EPHA3: variants seen among roughly 807,000 people sequenced by gnomAD.
The protein encoded by EPHA3 is ephrin type-A receptor 3.
EPHA3 carries 42 observed loss-of-function variants against 107.1 expected under a neutral mutation model. That is an observed-to-expected ratio of 0.39 (90% CI 0.31 to 0.51). The LOEUF (loss-of-function observed/expected upper bound fraction) is 0.51, where lower values mean the gene tolerates loss of function less well. EPHA3 is among the 20% of genes least tolerant of loss of function. The pLI is 0.78. For missense variants in EPHA3, 1,183 were observed against 1,211.2 expected, an observed-to-expected ratio of 0.98 and a Z score of 0.35; for synonymous variants, 461 against 424.8, an observed-to-expected ratio of 1.09 and a Z score of -1.05.
At chr3:89,454,769 A>T (rs1041403672) in intron 15 of EPHA3, among the ~76,000 whole-genome samples, 3 of 152,150 alleles carry the variant, frequency 2.0e-5, no homozygotes, top group Non-Finnish European at 2.9e-5. Context: ...GGGCTGGAGG[A>T]TAACTTGTGG....
At chr3:89,340,236 G>A (rs1222613574) in intron 3 of EPHA3, among the ~76,000 whole-genome samples, 1 of 152,076 alleles carries the variant, frequency 6.6e-6, no homozygotes, top group Non-Finnish European at 1.5e-5. Flanking sequence ...TATTAAAAGA[G>A]CTCTCATCTA....
At chr3:89,408,515 T>C (rs1709096721) in intron 9 of EPHA3, among the ~76,000 whole-genome samples, 2 of 152,072 alleles carry the variant, frequency 1.3e-5, no homozygotes, top group South Asian at 4.1e-4. Context: ...CAAGTAAATA[T>C]AAACAACCTC....
intron 3 of EPHA3, among the ~76,000 whole-genome samples, chr3:89,272,282 AT>A (rs36048151): frequency 3.3e-5 from 5 of 150,108 alleles, no homozygotes; most frequent in Admixed American, 6.7e-5. Flanking sequence ...ATGTATTACC[AT>A]TTTTTTTTGG....
rs1372023222 is a variant in EPHA3 at position 89,368,865 on chromosome 3, C to G, written c.1306+26775C>G. ...ACGCTTCACCAGCAGTATGAGCATC[C>G]CTTAGCCCAGTCAAATTGACACATA... On this transcript the variant is annotated intron_variant, in intron 5 of 16. Transcript: ENST00000336596. 1.3e-5 allele frequency among the ~76,000 whole-genome samples: 2 copies of G among 150,414 alleles called. 1 individual carries two copies. The highest frequency in any genetic ancestry group is 3.0e-5 in the Non-Finnish European group (2 of 67,126).
Position 89,431,282 on chromosome 3 carries a change from A to C in EPHA3, c.2269A>C (p.Asn757His). The change falls in exon 13 of 17, where the codon AAC becomes CAC. Residue 757 changes from asparagine (N) to histidine (H), a missense_variant. Coordinates refer to ENST00000336596, the MANE Select transcript of EPHA3 (RefSeq NM_005233.6). ...TGCTCGGAACATCTTGATCAACAGTAACTTGGTGTGTAAGGTTTCTGATTT... is the reference window on the plus strand; with the variant it reads ...TGCTCGGAACATCTTGATCAACAGTCACTTGGTGTGTAAGGTTTCTGATTT... ...LAARNILINS[N>H]LVCKVSDFGL... is the part of the protein sequence containing the mutation. 1 of 1,613,660 alleles carries C rather than the reference A, an allele frequency of 6.2e-7. No homozygotes were observed. The highest frequency in any genetic ancestry group is 8.5e-7 in the Non-Finnish European group (1 of 1,179,916).
At chr3:89,478,458 A>G (rs1277143096) in intron 16 of EPHA3, among the ~76,000 whole-genome samples, 2 of 152,162 alleles carry the variant, frequency 1.3e-5, no homozygotes, top group African/African-American at 4.8e-5. Context: ...CAGCTGCCAA[A>G]TGGACTGATC....
At chr3:89,435,810 G>A (rs1185227305) in intron 13 of EPHA3, among the ~76,000 whole-genome samples, 1 of 150,280 alleles carries the variant, frequency 6.7e-6, no homozygotes, top group African/African-American at 2.4e-5. Context: ...AAAATTAGCT[G>A]GGTGTGGTGG....
intron 3 of EPHA3, among the ~76,000 whole-genome samples, chr3:89,266,960 TA>T (rs945998546): frequency 1.1e-4 from 17 of 152,100 alleles, no homozygotes; most frequent in African/African-American, 2.6e-4. Flanking sequence ...GTCAATGACT[TA>T]AAAAAAATTT....
intron 10 of EPHA3, among the ~76,000 whole-genome samples, chr3:89,413,980 A>G (rs1326287258): frequency 2.0e-5 from 3 of 151,686 alleles, no homozygotes; most frequent in Non-Finnish European, 4.4e-5. Flanking sequence ...AAGTAAAACT[A>G]CTATTCAAAA....
At chr3:89,234,799 C>T (rs1414492609) in intron 3 of EPHA3, among the ~76,000 whole-genome samples, 1 of 116,192 alleles carries the variant, frequency 8.6e-6, no homozygotes, top group Non-Finnish European at 1.7e-5. Flanking sequence ...TCCTTCCTTC[C>T]TTCCCTCCTC....
rs974949987 is a variant in EPHA3 at position 89,226,580 on chromosome 3, TTTTAATTATA to T, written c.814+16065_814+16074del. ...CACTCTAATTTAAGAGCTCTTCAAT[TTTTAATTATA>T]TTTAGAACTTCAACTGATCCATGAT... is the stretch of plus-strand genomic sequence containing the variant. On this transcript the variant is annotated intron_variant, in intron 3 of 16. Transcript: ENST00000336596. Among the ~76,000 whole-genome samples, 7 of 152,214 alleles carry T rather than the reference TTTTAATTATA, an allele frequency of 4.6e-5. 1 individual carries two copies. The highest frequency in any genetic ancestry group is 1.7e-4 in the African/African-American group (7 of 41,552).
chr3:89,279,391 T>C (rs1705888174), intron 3 of EPHA3, among the ~76,000 whole-genome samples: 1 of 152,190 alleles, frequency 6.6e-6, no homozygotes, highest in Admixed American at 6.5e-5. Context: ...TTGAATACAT[T>C]ATATTCATAA....
At chr3:89,324,731 G>C (rs1355528185) in intron 3 of EPHA3, among the ~76,000 whole-genome samples, 1 of 151,828 alleles carries the variant, frequency 6.6e-6, no homozygotes, top group African/African-American at 2.4e-5. Context: ...TAGATTCAGA[G>C]CATACATGTT....
At chr3:89,413,678 T>C (rs1386764594) in intron 10 of EPHA3, among the ~76,000 whole-genome samples, 1 of 151,824 alleles carries the variant, frequency 6.6e-6, no homozygotes, top group Non-Finnish European at 1.5e-5. Flanking sequence ...AGTAATATCA[T>C]GACTCATCTT....
At chr3:89,429,691 CT>C (rs1559693178) in intron 12 of EPHA3, among the ~76,000 whole-genome samples, 2 of 145,922 alleles carry the variant, frequency 1.4e-5, no homozygotes, top group African/African-American at 5.0e-5. Context: ...ATACGTTTAT[CT>C]ATCATCTATC....
intron 1 of EPHA3, among the ~76,000 whole-genome samples, chr3:89,122,011 C>G (rs1707401718): frequency 1.3e-5 from 2 of 149,350 alleles, no homozygotes; most frequent in Admixed American, 1.3e-4. Context: ...TTATGTTTGA[C>G]CGGAGAACTA....
intron 2 of EPHA3, among the ~76,000 whole-genome samples, chr3:89,178,625 GA>G (rs1173079813): frequency 6.6e-6 from 1 of 151,856 alleles, no homozygotes; most frequent in Non-Finnish European, 1.5e-5. Flanking sequence ...TAGATGCACT[GA>G]AAATTATATT....
intron 3 of EPHA3, among the ~76,000 whole-genome samples, chr3:89,244,474 TA>T (rs1337679637): frequency 6.6e-5 from 10 of 152,240 alleles, no homozygotes; most frequent in African/African-American, 1.9e-4. Context: ...ATGAGTACCT[TA>T]AAAAATGTTT....
intron 3 of EPHA3, among the ~76,000 whole-genome samples, chr3:89,225,789 T>TTG (rs1704487988): frequency 6.6e-6 from 1 of 151,952 alleles, no homozygotes; most frequent in African/African-American, 2.4e-5. Flanking sequence ...TTGAAAGGGG[T>TTG]AAAGAAGTAC....
Sources: gnomAD v4.1 joint callset for allele counts (sites outside exome capture counted in the v4.1 genomes callset) on GRCh38, gnomAD v4.1.1 for gene constraint, MANE v1.5 for transcripts, NCBI Gene and HGNC (gene_info 2026-07-23, HGNC 2026-07-21) for gene names.